The following TRIO variants were observed in gnomAD, a reference collection of about 807,000 sequenced individuals.
The protein encoded by TRIO is triple functional domain protein.
In TRIO, 58 loss-of-function variants were observed where a neutral mutation model predicts 351.9. The observed-to-expected ratio is 0.16, with a 90% CI of 0.13 to 0.21. The LOEUF (loss-of-function observed/expected upper bound fraction) is 0.21, where lower values mean the gene tolerates loss of function less well. Ranked by LOEUF, TRIO falls within the 10% of genes least tolerant of loss-of-function variation. TRIO has a pLI of 1.00. For missense variants in TRIO, 3,201 were observed against 4,027.8 expected (o/e 0.79, Z 5.56); for synonymous variants, 1,758 against 1,595.7 (o/e 1.10, Z -2.42).
chr5:14,172,450 C>G (rs1236708087), intron 1 of TRIO, among the ~76,000 whole-genome samples: 1 of 152,198 alleles, frequency 6.6e-6, no homozygotes, highest in Non-Finnish European at 1.5e-5. Context: ...CAGTCACTTT[C>G]AAGTGGCAGT....
chr5:14,475,142 C>T (rs752925993), intron 40 of TRIO, among the ~76,000 whole-genome samples: 1 of 152,192 alleles, frequency 6.6e-6, no homozygotes, highest in Non-Finnish European at 1.5e-5. Context: ...CCCTTTAGAT[C>T]ACTTTGCTTA....
chr5:14,377,027 T>G (rs1181920961), intron 19 of TRIO, among the ~76,000 whole-genome samples: 2 of 152,242 alleles, frequency 1.3e-5, no homozygotes, highest in East Asian at 1.9e-4. Context: ...TCTAAAGAAT[T>G]GTTCATCGTT....
At chr5:14,214,747 A>G (rs1323432096) in intron 1 of TRIO, among the ~76,000 whole-genome samples, 1 of 152,208 alleles carries the variant, frequency 6.6e-6, no homozygotes, top group Non-Finnish European at 1.5e-5. Context: ...ATGATACAGG[A>G]CCTCATTGAT....
intron 1 of TRIO, among the ~76,000 whole-genome samples, chr5:14,223,692 T>TGCAGCTGTGC (rs1792795949): frequency 6.6e-6 from 1 of 152,220 alleles, no homozygotes; most frequent in African/African-American, 2.4e-5. Context: ...GGCTGCGGTG[T>TGCAGCTGTGC]GCAGCTGTGC....
chr5:14,440,961 C>G (rs1166828374), intron 34 of TRIO: 1 of 152,160 alleles, frequency 6.6e-6, no homozygotes, highest in Non-Finnish European at 1.5e-5. Context: ...AGAATGAAAT[C>G]CACCGCGTCT....
At chr5:14,507,073 T>G in intron 55 of TRIO, 49 bp from the exon 56 acceptor site, 1 of 1,522,024 alleles carries the variant, frequency 6.6e-7, no homozygotes, top group Non-Finnish European at 8.8e-7. Flanking sequence ...CCCAAAGAGG[T>G]CTTCAAAGCA....
intron 7 of TRIO, among the ~76,000 whole-genome samples, chr5:14,300,087 T>C (rs954843142): frequency 1.3e-5 from 2 of 152,264 alleles, no homozygotes; most frequent in African/African-American, 4.8e-5. Context: ...TGCAAATATG[T>C]GGACACACAA....
chr5:14,491,353 A>G (rs1020545302), intron 48 of TRIO, among the ~76,000 whole-genome samples: 1 of 152,244 alleles, frequency 6.6e-6, no homozygotes, highest in South Asian at 2.1e-4. Flanking sequence ...CGGAGAGCCC[A>G]GCAGAAGCTA....
chr5:14,420,143 CA>C (rs1749996230), intron 34 of TRIO, 122 bp downstream of exon 34: 1 of 1,437,634 alleles, frequency 7.0e-7, no homozygotes, highest in African/African-American at 1.4e-5. Flanking sequence ...GCCTTCAGCA[CA>C]TGGTCACTGA....
chr5:14,218,396 T>C (rs892388473), intron 1 of TRIO, among the ~76,000 whole-genome samples: 1 of 152,220 alleles, frequency 6.6e-6, no homozygotes, highest in Middle Eastern at 3.2e-3. Context: ...ATAGTCCCAA[T>C]GTTTATGTCA....
chr5:14,306,413 G>A (rs545938573), intron 8 of TRIO, among the ~76,000 whole-genome samples: 5 of 152,274 alleles, frequency 3.3e-5, no homozygotes, highest in Admixed American at 3.3e-4. Context: ...TGGCTCATGA[G>A]GATTATGTCA....
intron 34 of TRIO, among the ~76,000 whole-genome samples, chr5:14,450,432 A>C (rs962377537): frequency 6.6e-6 from 1 of 152,154 alleles, no homozygotes; most frequent in Non-Finnish European, 1.5e-5. Flanking sequence ...TGCGCAGGGA[A>C]CGGTGGAAGT....
chr5:14,178,915 C>T (rs1343022305), intron 1 of TRIO, among the ~76,000 whole-genome samples: 2 of 152,168 alleles, frequency 1.3e-5, no homozygotes, highest in Non-Finnish European at 2.9e-5. Context: ...GGCTGAATCG[C>T]TCATTTTGTG....
intron 34 of TRIO, among the ~76,000 whole-genome samples, chr5:14,432,116 G>A (rs1490102722): frequency 2.0e-5 from 3 of 152,182 alleles, no homozygotes; most frequent in African/African-American, 4.8e-5. Flanking sequence ...AGAGCATGGG[G>A]TGCGGACTTG....
At chr5:14,155,310 T>C (rs10041847) in intron 1 of TRIO, among the ~76,000 whole-genome samples, 52,462 of 152,136 alleles carry the variant, frequency 0.34, 9,483 homozygotes, top group Middle Eastern at 0.49. Flanking sequence ...AATATGATGA[T>C]GTCCCTTACC....
chr5:14,322,150 T>C (rs903561214), intron 9 of TRIO, among the ~76,000 whole-genome samples: 1 of 151,964 alleles, frequency 6.6e-6, no homozygotes, highest in Non-Finnish European at 1.5e-5. Context: ...TTCCCAAGTG[T>C]CTGGAAGAGC....
intron 1 of TRIO, among the ~76,000 whole-genome samples, chr5:14,198,651 A>G (rs1790918113): frequency 6.6e-6 from 1 of 150,900 alleles, no homozygotes; most frequent in South Asian, 2.1e-4. Context: ...CCTTTGCATT[A>G]GACTCTGACT....
At chr5:14,176,371 G>A (rs1173605184) in intron 1 of TRIO, among the ~76,000 whole-genome samples, 2 of 152,138 alleles carry the variant, frequency 1.3e-5, no homozygotes, top group Non-Finnish European at 1.5e-5. Flanking sequence ...TCAGGAGGCC[G>A]AGGCAGGAGA....
chr5:14,162,727 A>G (rs1788543051), intron 1 of TRIO, among the ~76,000 whole-genome samples: 1 of 152,186 alleles, frequency 6.6e-6, no homozygotes, highest in Admixed American at 6.5e-5. Flanking sequence ...TGCAAGTATT[A>G]TATGATCATG....
Sources: allele counts gnomAD v4.1 joint callset (sites outside exome capture counted in the v4.1 genomes callset), GRCh38; gene constraint gnomAD v4.1.1; transcripts MANE v1.5; gene names NCBI Gene and HGNC (gene_info 2026-07-23, HGNC 2026-07-21).